Variants in ADAMTS2 observed in about 807,000 individuals in gnomAD.
ADAMTS2 encodes the protein A disintegrin and metalloproteinase with thrombospondin motifs 2.
Under a neutral mutation model 123.0 loss-of-function variants are expected in ADAMTS2, and 50 were observed. The observed-to-expected ratio is 0.41, with a 90% CI of 0.32 to 0.51. The LOEUF is 0.51. ADAMTS2 is among the 20% of genes least tolerant of loss of function. The pLI is 0.35. For synonymous variants in ADAMTS2, 678 were observed against 695.4 expected (o/e 0.98, Z 0.39); for missense variants, 1,494 against 1,705.2 (o/e 0.88, Z 2.18).
chr5:179,126,623 C>G (rs930473499), intron 17 of ADAMTS2, among the ~76,000 whole-genome samples: 2 of 152,228 alleles, frequency 1.3e-5, no homozygotes, highest in East Asian at 3.9e-4. Flanking sequence ...CTACTGGCAT[C>G]TGGTGAGCAA....
chr5:179,136,598 G>A (rs1763070444), intron 12 of ADAMTS2, among the ~76,000 whole-genome samples: 1 of 150,908 alleles, frequency 6.6e-6, no homozygotes, highest in Non-Finnish European at 1.5e-5. Context: ...CCAGGAGGCC[G>A]AGCTTGCAGT....
In ADAMTS2 at chr5:179,125,140, C is replaced by G; in HGVS notation, c.2791G>C (p.Gly931Arg). 1 of 1,612,996 alleles carries G rather than the reference C, an allele frequency of 6.2e-7. No homozygotes were observed. The highest frequency in any genetic ancestry group is 8.5e-7 in the Non-Finnish European group (1 of 1,179,928). Residue 931 changes from glycine to arginine, a missense_variant, in exon 19 of 22, where the codon GGG becomes CGG. By Grantham distance (125) the Gly-to-Arg change is moderately radical (BLOSUM62 -2). Around this residue, in one of 6 missense-constraint regions of ADAMTS2, gnomAD observed 953 missense variants for 1,124.7 expected, o/e 0.85. Coordinates refer to ENST00000251582, the MANE Select transcript of ADAMTS2 (RefSeq NM_014244.5). ...GEWEPCSQTC[G>R]RTGMQVRSVR... ...GAGCGCACCTGCATGCCTGTCCGCC[C>G]ACAGGTCTGGCTACATGGCTCCCAT... is the stretch of plus-strand genomic sequence containing the variant.
At chr5:179,232,708 T>C (rs533682028) in intron 3 of ADAMTS2, among the ~76,000 whole-genome samples, 1 of 152,158 alleles carries the variant, frequency 6.6e-6, no homozygotes, top group South Asian at 2.1e-4. Context: ...TGAGGATGAG[T>C]AGATCGGTAA....
At position 179,117,553 on chromosome 5, in the gene ADAMTS2, A is replaced by AT. The variant is rs202081869; in HGVS notation, c.3179-3230dup. ...TATTGGATCAGGCCCATGCCCATGC[A>AT]TTTTTTTTTTTTTTTTTGAGATGAA... On this transcript the variant is annotated intron_variant, in intron 21 of 21. Transcript: ENST00000251582. The surrounding 1 kb of genome is among the most constrained non-coding windows in gnomAD (Gnocchi z 4.2). 0.017 allele frequency among the ~76,000 whole-genome samples: 2,349 copies of AT among 134,850 alleles called. 32 individuals carry two copies. Among genetic ancestry groups the AT allele is most frequent in the African/African-American group, 0.017 (630 of 37,146 alleles). The allele number at this position is 134,850 out of a possible 152,430, so 88.5% of individuals were successfully genotyped here. A position where few individuals can be genotyped will look rare whatever the true frequency, so the allele number is the denominator to read the frequency against.
rs559665006 is a variant in ADAMTS2 at position 179,329,860 on chromosome 5, C to G, written c.534+13907G>C. ...ACAAGTTTCAGGCCGGGCGTGGTGG[C>G]TCACGCCTGTAATCCCAGCACTTTG... On this transcript the variant is annotated intron_variant, in intron 2 of 21. Coordinates refer to ENST00000251582, the MANE Select transcript of ADAMTS2 (RefSeq NM_014244.5). Among the ~76,000 whole-genome samples, 678 of 152,272 alleles carry G rather than the reference C, an allele frequency of 4.5e-3. 5 individuals carry two copies. Among genetic ancestry groups the G allele is most frequent in the African/African-American group, 0.016 (645 of 41,534 alleles).
chr5:179,114,011 G>C lies in ADAMTS2; in HGVS notation c.3492C>G (p.Pro1164=), dbSNP rs531168228. The part of the protein sequence containing the change: ...DHPETNAVDE[P]YKIHGLEDEV... The stretch of plus-strand genomic sequence containing the variant: ...CATCTTCCAGGCCATGGATTTTGTA[G>C]GGTTCATCTACGGCATTGGTTTCTG... Residue 1164 remains proline, a synonymous_variant, in exon 22 of 22, where the codon CCC becomes CCG. Coordinates refer to ENST00000251582, the MANE Select transcript of ADAMTS2 (RefSeq NM_014244.5). The C allele has an allele frequency of 6.2e-7, 1 of 1,614,128 alleles. No homozygotes were observed. The highest frequency in any genetic ancestry group is 1.3e-5 in the African/African-American group (1 of 75,028).
rs1766103974 is a variant in ADAMTS2, at chr5:179,257,785, G to T, written c.688+15126C>A. Among the ~76,000 whole-genome samples, 3 of 152,158 alleles carry T rather than the reference G, an allele frequency of 2.0e-5. No homozygotes were observed. The South Asian group carries it at 6.2e-4, about 31-fold the overall frequency. On this transcript the variant is annotated intron_variant, in intron 3 of 21. Coordinates refer to ENST00000251582, the MANE Select transcript of ADAMTS2 (RefSeq NM_014244.5). ...CTGAGCGCCGTGGGCTCCAGTGAAG[G>T]TCCCCAGCACTGAGGCCGCCTCCTG...
rs1431534828 is a variant in ADAMTS2 at position 179,345,391 on chromosome 5, C to T, written c.-63G>A. ...CGGCGCGAAAGTTCCCCGCGAGCCG[C>T]CCAGCCCACATCTGGGGGCAGCTGG... On this transcript the variant is annotated 5_prime_UTR_variant, in exon 1 of 22. Coordinates refer to ENST00000251582, the MANE Select transcript of ADAMTS2 (RefSeq NM_014244.5). This position sits in a 1 kb window ranked among gnomAD's most constrained non-coding sequence, Gnocchi z 7.5. 4 of 1,099,344 alleles carry T rather than the reference C, an allele frequency of 3.6e-6. No homozygotes were observed. Among genetic ancestry groups the T allele is most frequent in the Admixed American group, 5.1e-5 (1 of 19,454 alleles). 68.1% of individuals were successfully genotyped at this position (1,099,344 alleles called of 1,614,324 possible).
At chr5:179,182,763 A>T (rs1339735606) in intron 4 of ADAMTS2, among the ~76,000 whole-genome samples, 2 of 152,030 alleles carry the variant, frequency 1.3e-5, no homozygotes, top group African/African-American at 2.4e-5. Flanking sequence ...GGGACAACTC[A>T]TCAGACCCAC....
chr5:179,143,435 A>AG (rs568441038), intron 10 of ADAMTS2, among the ~76,000 whole-genome samples: 10 of 152,024 alleles, frequency 6.6e-5, no homozygotes, highest in Non-Finnish European at 1.3e-4. Flanking sequence ...TCTCGAAAAA[A>AG]AAAAAAAAAA....
chr5:179,132,311 C>A lies in ADAMTS2; in HGVS notation c.2210-1G>T. On this transcript the variant is annotated splice_acceptor_variant, in intron 14 of 21. Transcript: ENST00000251582. LOFTEE classifies it high-confidence loss of function. The surrounding 1 kb of genome is among the most constrained non-coding windows in gnomAD (Gnocchi z 6.1). ...GGGATCTCAAACATCTTGATGTAACCTTTTTTTGATGTGGAAAGACACAGA... is the reference window on the plus strand; with the variant it reads ...GGGATCTCAAACATCTTGATGTAACATTTTTTTGATGTGGAAAGACACAGA... 6.2e-7 allele frequency: 1 copy of A among 1,613,944 alleles called. No homozygotes were observed. Among genetic ancestry groups the A allele is most frequent in the Non-Finnish European group, 8.5e-7 (1 of 1,179,902 alleles).
rs1356221999 is a variant in ADAMTS2 at position 179,208,125 on chromosome 5, G to T, written c.689-410C>A. Among the ~76,000 whole-genome samples, 5 of 138,592 alleles carry T rather than the reference G, an allele frequency of 3.6e-5. No homozygotes were observed. In the East Asian group the frequency reaches 8.4e-4, roughly 23 times the overall value. 90.9% of individuals were successfully genotyped at this position (138,592 alleles called of 152,430 possible). The stretch of plus-strand genomic sequence containing the variant: ...GGAACCTCAGCCCGCACTGCCTGAC[G>T]CTGGAGTGGGCAGAGCCACCCCTTG... On this transcript the variant is annotated intron_variant, in intron 3 of 21. Transcript: ENST00000251582.
intron 2 of ADAMTS2, among the ~76,000 whole-genome samples, chr5:179,283,607 G>A (rs1447643696): frequency 9.3e-5 from 13 of 139,722 alleles, no homozygotes; most frequent in Non-Finnish European, 1.7e-4. Context: ...GATGACAGAA[G>A]TAAGAACAAA....
At chr5:179,337,968 G>A (rs1757666610) in intron 2 of ADAMTS2, among the ~76,000 whole-genome samples, 1 of 152,082 alleles carries the variant, frequency 6.6e-6, no homozygotes, top group African/African-American at 2.4e-5. Context: ...TCTGCAGGAG[G>A]GCCTGCATTC....
At chr5:179,319,436 G>A (rs949641491) in intron 2 of ADAMTS2, among the ~76,000 whole-genome samples, 44 of 151,794 alleles carry the variant, frequency 2.9e-4, no homozygotes, top group African/African-American at 1.0e-3. Flanking sequence ...CATTATACAT[G>A]CACACGCCCA....
intron 4 of ADAMTS2, among the ~76,000 whole-genome samples, chr5:179,203,919 C>G (rs1432234020): frequency 6.6e-6 from 1 of 152,198 alleles, no homozygotes; most frequent in Non-Finnish European, 1.5e-5. Context: ...CAGCACTATT[C>G]ACAGTAGCCC....
intron 3 of ADAMTS2, among the ~76,000 whole-genome samples, chr5:179,261,989 T>C (rs2113490317): frequency 6.6e-6 from 1 of 152,322 alleles, no homozygotes; most frequent in South Asian, 2.1e-4. Context: ...TGGCTGCCTG[T>C]GGGGCTGCAT....
At chr5:179,238,710 A>G (rs571817626) in intron 3 of ADAMTS2, among the ~76,000 whole-genome samples, 175 of 152,266 alleles carry the variant, frequency 1.1e-3, no homozygotes, top group Non-Finnish European at 1.1e-3. Flanking sequence ...AATGGAGGCC[A>G]CGGGGTCCCA....
At chr5:179,183,897 C>T (rs1377610257) in intron 4 of ADAMTS2, among the ~76,000 whole-genome samples, 4 of 152,160 alleles carry the variant, frequency 2.6e-5, no homozygotes, top group Non-Finnish European at 4.4e-5. Flanking sequence ...GGAACAGACA[C>T]CAGAGAGCCT....
Sources: allele counts gnomAD v4.1 joint callset (sites outside exome capture counted in the v4.1 genomes callset), GRCh38; gene constraint gnomAD v4.1.1; regional missense constraint gnomAD v4.1.1; non-coding constraint Gnocchi (gnomAD v3.1); transcripts MANE v1.5; gene names NCBI Gene and HGNC (gene_info 2026-07-23, HGNC 2026-07-21).